The following CEP85L variants were observed in gnomAD, a reference collection of about 807,000 sequenced individuals.
CEP85L encodes the protein centrosomal protein 85L, also known as centrosomal protein of 85 kDa-like.
Under a neutral mutation model 100.3 loss-of-function variants are expected in CEP85L, and 60 were observed. The ratio of observed to expected loss-of-function variants is 0.60; its 90% CI spans 0.49 to 0.74. The LOEUF is 0.74. Among genes scored for constraint, CEP85L ranks in the 30% least tolerant of loss-of-function variants. The pLI, the probability that CEP85L is intolerant of heterozygous loss-of-function variation, is 0.00. For missense variants in CEP85L, 973 were observed against 936.2 expected, an observed-to-expected ratio of 1.04 and a Z score of -0.51; for synonymous variants, 319 against 322.7, an observed-to-expected ratio of 0.99 and a Z score of 0.12.
intron 4 of CEP85L, among the ~76,000 whole-genome samples, chr6:118,519,796 C>A (rs2114766257): frequency 6.6e-6 from 1 of 151,798 alleles, no homozygotes; most frequent in East Asian, 1.9e-4. Context: ...CACAAGGTAC[C>A]CCAAAAACCA....
At chr6:118,528,387 AC>A (rs1777098231) in intron 3 of CEP85L, among the ~76,000 whole-genome samples, 1 of 152,056 alleles carries the variant, frequency 6.6e-6, no homozygotes, top group African/African-American at 2.4e-5. Flanking sequence ...TATACACAAA[AC>A]AAAATATGAG....
At chr6:118,549,222 C>T (rs931812056) in intron 3 of CEP85L, among the ~76,000 whole-genome samples, 2 of 151,736 alleles carry the variant, frequency 1.3e-5, no homozygotes, top group Admixed American at 6.6e-5. Context: ...CCTATTAATG[C>T]CTATAGTTTT....
intron 1 of CEP85L, among the ~76,000 whole-genome samples, chr6:118,676,280 T>A (rs1776478614): frequency 6.6e-6 from 1 of 152,200 alleles, no homozygotes; most frequent in South Asian, 2.1e-4. Context: ...AATTTATTCC[T>A]CCTATCTAAC....
chr6:118,702,766 G>C (rs79368269), intron 1 of CEP85L, among the ~76,000 whole-genome samples: 9,140 of 152,226 alleles, frequency 0.06, 340 homozygotes, highest in African/African-American at 0.093. Context: ...GGAGTCTGAG[G>C]CAGGCGGATC....
At chr6:118,618,955 C>T (rs1456666134) in intron 2 of CEP85L, among the ~76,000 whole-genome samples, 1 of 152,070 alleles carries the variant, frequency 6.6e-6, no homozygotes, top group Non-Finnish European at 1.5e-5. Flanking sequence ...TCCTCATGCC[C>T]CATCTAGTGG....
intron 1 of CEP85L, among the ~76,000 whole-genome samples, chr6:118,661,977 C>T (rs1184171149): frequency 2.0e-5 from 3 of 152,188 alleles, no homozygotes; most frequent in Non-Finnish European, 4.4e-5. Context: ...TACAGCTCTG[C>T]TCCCTACTGG....
At chr6:118,595,217 T>C (rs192568680) in intron 2 of CEP85L, among the ~76,000 whole-genome samples, 63 of 152,264 alleles carry the variant, frequency 4.1e-4, no homozygotes, top group Non-Finnish European at 7.2e-4. Context: ...AGGAAAACAC[T>C]GGGGATCAGC....
intron 1 of CEP85L, among the ~76,000 whole-genome samples, chr6:118,691,140 C>A (rs922921610): frequency 1.6e-5 from 1 of 62,548 alleles, no homozygotes; most frequent in Non-Finnish European, 4.0e-5. Flanking sequence ...GGAGGCCAGG[C>A]GTGGTGGCTC....
At chr6:118,663,061 G>A (rs1776025831) in intron 1 of CEP85L, among the ~76,000 whole-genome samples, 2 of 150,980 alleles carry the variant, frequency 1.3e-5, no homozygotes, top group Admixed American at 6.6e-5. Flanking sequence ...AAAAAAAAAA[G>A]CAGTGAACTA....
At chr6:118,528,715 G>A (rs371236224) in intron 3 of CEP85L, among the ~76,000 whole-genome samples, 24 of 152,108 alleles carry the variant, frequency 1.6e-4, no homozygotes, top group African/African-American at 4.6e-4. Flanking sequence ...TGACAGTTAC[G>A]GAGACATTTT....
intron 5 of CEP85L, among the ~76,000 whole-genome samples, chr6:118,496,858 G>A (rs549871054): frequency 1.1e-4 from 17 of 152,290 alleles, no homozygotes; most frequent in African/African-American, 2.2e-4. Flanking sequence ...GAATGACAAC[G>A]GTGTTCAAGT....
intron 2 of CEP85L, among the ~76,000 whole-genome samples, chr6:118,605,298 G>T (rs148697760): frequency 6.6e-6 from 1 of 152,140 alleles, no homozygotes; most frequent in African/African-American, 2.4e-5. Context: ...AGCCCATTTC[G>T]TCATCAGCCC....
At chr6:118,641,157 C>A (rs1006172298) in intron 1 of CEP85L, among the ~76,000 whole-genome samples, 1 of 151,390 alleles carries the variant, frequency 6.6e-6, no homozygotes, top group African/African-American at 2.4e-5. Flanking sequence ...TCTTTTCCCT[C>A]CCTATTTAAT....
At chr6:118,658,827 T>G (rs1352762556) in intron 1 of CEP85L, among the ~76,000 whole-genome samples, 1 of 152,174 alleles carries the variant, frequency 6.6e-6, no homozygotes, top group Non-Finnish European at 1.5e-5. Context: ...AAACACACTT[T>G]TGAAAATGTG....
intron 4 of CEP85L, among the ~76,000 whole-genome samples, chr6:118,515,714 A>T (rs891548870): frequency 3.9e-5 from 6 of 152,236 alleles, no homozygotes; most frequent in Non-Finnish European, 7.3e-5. Context: ...AACCAAACAA[A>T]TTAAAATTTG....
In CEP85L at chr6:118,538,871, G is replaced by A. The variant is rs180856256; in HGVS notation, c.1021-14951C>T. On this transcript the variant is annotated intron_variant, in intron 3 of 12. Coordinates refer to ENST00000368491, the MANE Select transcript of CEP85L (RefSeq NM_001042475.3). Reference sequence around the variant, plus strand: ...AGATGAAATATAAACAGAATTTAATGAATCAATCCCTTGTAATTAACAAAC... The same window carrying A: ...AGATGAAATATAAACAGAATTTAATAAATCAATCCCTTGTAATTAACAAAC... Among the ~76,000 whole-genome samples the A allele has an allele frequency of 2.9e-3, 448 of 151,906 alleles. 2 individuals carry two copies. The highest frequency in any genetic ancestry group is 0.01 in the African/African-American group (424 of 41,456).
At chr6:118,547,182 G>A (rs1415595586) in intron 3 of CEP85L, among the ~76,000 whole-genome samples, 1 of 152,060 alleles carries the variant, frequency 6.6e-6, no homozygotes, top group Non-Finnish European at 1.5e-5. Context: ...TTTCGAGTGT[G>A]GTGACTTAAG....
intron 1 of CEP85L, among the ~76,000 whole-genome samples, chr6:118,684,220 C>G (rs925398988): frequency 3.9e-5 from 6 of 152,180 alleles, no homozygotes; most frequent in East Asian, 1.9e-4. Flanking sequence ...GAAAACACCC[C>G]CCTACGTTTA....
chr6:118,544,091 C>T (rs1778061621), intron 3 of CEP85L, among the ~76,000 whole-genome samples: 1 of 151,738 alleles, frequency 6.6e-6, no homozygotes, highest in African/African-American at 2.4e-5. Context: ...TTTGCGAATG[C>T]GAGGAGCTCA....
Sources: gnomAD v4.1 joint callset for allele counts (sites outside exome capture counted in the v4.1 genomes callset) on GRCh38, gnomAD v4.1.1 for gene constraint, MANE v1.5 for transcripts, NCBI Gene and HGNC (gene_info 2026-07-23, HGNC 2026-07-21) for gene names.